Variants in HIVEP3 observed in about 807,000 individuals in gnomAD.
HIVEP3 encodes the protein HIVEP zinc finger 3, also known as transcription factor HIVEP3.
Under a neutral mutation model 152.8 loss-of-function variants are expected in HIVEP3, and 49 were observed. The ratio of observed to expected loss-of-function variants is 0.32; its 90% CI spans 0.26 to 0.41. The LOEUF (loss-of-function observed/expected upper bound fraction) is 0.41. HIVEP3 is among the 10% of genes least tolerant of loss of function. The pLI is 1.00. For synonymous variants in HIVEP3, 1,269 were observed against 1,289.0 expected (o/e 0.98, Z 0.33); for missense variants, 2,790 against 3,103.3 (o/e 0.90, Z 2.40).
rs1305201235 is a variant in HIVEP3 at position 41,806,794 on chromosome 1, C to T, written c.-800-105799G>A. ...TCCAGAGGGAAGGGGCATCTCAGGA[C>T]GACTCCACAGGGTAGGGGGCTCCTA... On this transcript the variant is annotated intron_variant, in intron 1 of 8. Coordinates refer to ENST00000372583, the MANE Select transcript of HIVEP3 (RefSeq NM_024503.5). 3.3e-5 allele frequency among the ~76,000 whole-genome samples: 5 copies of T among 152,146 alleles called. No individual in the cohort carries two copies. The East Asian group carries it at 5.8e-4, about 18-fold the overall frequency.
chr1:41,931,873 C>T (rs1644997535), intron 1 of HIVEP3, among the ~76,000 whole-genome samples: 1 of 151,918 alleles, frequency 6.6e-6, no homozygotes, highest in Admixed American at 6.6e-5. Context: ...GGTTTTTCTA[C>T]AAAGACAATA....
At chr1:41,791,820 C>G (rs1649715105) in intron 1 of HIVEP3, among the ~76,000 whole-genome samples, 1 of 152,046 alleles carries the variant, frequency 6.6e-6, no homozygotes, top group Non-Finnish European at 1.5e-5. Flanking sequence ...ACACATTTCC[C>G]CTCCCCACCC....
intron 1 of HIVEP3, among the ~76,000 whole-genome samples, chr1:41,764,200 C>T (rs1647868093): frequency 6.6e-6 from 1 of 152,006 alleles, no homozygotes; most frequent in Non-Finnish European, 1.5e-5. Flanking sequence ...TGAGGGGAGC[C>T]AATGAGGATT....
intron 5 of HIVEP3, among the ~76,000 whole-genome samples, chr1:41,556,017 T>C (rs1643960611): frequency 6.6e-6 from 1 of 152,252 alleles, no homozygotes. Flanking sequence ...GAACGTATTT[T>C]GTTTATCTGT....
chr1:41,781,481 C>T (rs1269494544), intron 1 of HIVEP3, among the ~76,000 whole-genome samples: 1 of 152,182 alleles, frequency 6.6e-6, no homozygotes, highest in Non-Finnish European at 1.5e-5. Flanking sequence ...GAAATGGCTG[C>T]CTCTTTTCTA....
At chr1:41,840,164 G>A (rs1299280086) in intron 1 of HIVEP3, among the ~76,000 whole-genome samples, 1 of 152,138 alleles carries the variant, frequency 6.6e-6, no homozygotes, top group Non-Finnish European at 1.5e-5. Context: ...GAAAAACCCG[G>A]ACTGGGTTGA....
intron 1 of HIVEP3, among the ~76,000 whole-genome samples, chr1:41,852,809 C>T (rs1643641485): frequency 6.6e-6 from 1 of 152,216 alleles, no homozygotes; most frequent in African/African-American, 2.4e-5. Context: ...AATGACAAGT[C>T]TCATGCAAAC....
chr1:41,688,320 A>C (rs1374986607), intron 2 of HIVEP3, among the ~76,000 whole-genome samples: 1 of 152,256 alleles, frequency 6.6e-6, no homozygotes, highest in Non-Finnish European at 1.5e-5. Flanking sequence ...TGTCCTGAAC[A>C]AAACAGGACT....
Position 41,510,469 on chromosome 1 carries a change from C to G in HIVEP3, c.7203G>C (p.Arg2401Ser). The G allele has an allele frequency of 6.6e-7, 1 of 1,523,988 alleles. No individual in the cohort carries two copies. Among genetic ancestry groups the G allele is most frequent in the Non-Finnish European group, 8.8e-7 (1 of 1,132,620 alleles). 94.4% of individuals were successfully genotyped at this position (1,523,988 alleles called of 1,614,324 possible). ...PRAHPHQPED[R>S]VPPNA ...AGAGAGGCTAAGCGTTGGGGGGAACCCTGTCCTCAGGCTGATGTGGATGTG... is the reference window on the plus strand; with the variant it reads ...AGAGAGGCTAAGCGTTGGGGGGAACGCTGTCCTCAGGCTGATGTGGATGTG... Residue 2401 changes from arginine to serine, a missense_variant, in exon 9 of 9, where the codon AGG (arginine) becomes AGC (serine). Physicochemically the swap from Arg to Ser is moderately radical, Grantham distance 110. This residue lies in a region of HIVEP3 where 816 missense variants were observed against 806.5 expected (regional missense o/e 1.01). Transcript: ENST00000372583.
intron 2 of HIVEP3, among the ~76,000 whole-genome samples, chr1:41,686,296 A>G (rs1387719168): frequency 3.3e-5 from 5 of 152,042 alleles, no homozygotes; most frequent in African/African-American, 1.2e-4. Flanking sequence ...CTGGTCTCGA[A>G]TTCCTGGGCT....
intron 2 of HIVEP3, among the ~76,000 whole-genome samples, chr1:41,651,199 TA>T (rs933307374): frequency 6.6e-6 from 1 of 151,986 alleles, no homozygotes; most frequent in Non-Finnish European, 1.5e-5. Context: ...CTCTTGAGTT[TA>T]GGAGTTCGAG....
intron 5 of HIVEP3, among the ~76,000 whole-genome samples, chr1:41,562,549 CCTTCCTT>C (rs1341044585): frequency 0.015 from 2,105 of 140,738 alleles, 60 homozygotes; most frequent in African/African-American, 0.05. Context: ...TTCCTTCCTT[CCTTCCTT>C]CTTTCCTTCT....
chr1:41,806,822 T>A (rs558864438), intron 1 of HIVEP3, among the ~76,000 whole-genome samples: 2 of 152,228 alleles, frequency 1.3e-5, no homozygotes, highest in Admixed American at 1.3e-4. Context: ...GGCTCCTAGC[T>A]CAACATCTTC....
intron 3 of HIVEP3, among the ~76,000 whole-genome samples, chr1:41,588,810 C>T (rs763157205): frequency 1.3e-5 from 2 of 152,092 alleles, no homozygotes; most frequent in Non-Finnish European, 2.9e-5. Flanking sequence ...GGGTGGCTAG[C>T]CCAAGCCACA....
intron 1 of HIVEP3, among the ~76,000 whole-genome samples, chr1:41,926,986 C>T (rs1644971585): frequency 6.6e-6 from 1 of 152,198 alleles, no homozygotes; most frequent in African/African-American, 2.4e-5. Flanking sequence ...AGAGACTCTG[C>T]TCAGCTACCA....
At chr1:41,545,018 TACCACCACC>T (rs1166539165) in intron 5 of HIVEP3, among the ~76,000 whole-genome samples, 1 of 32,654 alleles carries the variant, frequency 3.1e-5, no homozygotes, top group African/African-American at 1.3e-4. Flanking sequence ...CCACCACCAC[TACCACCACC>T]ACCACCACCA....
chr1:41,693,104 G>A (rs556330003), intron 2 of HIVEP3, among the ~76,000 whole-genome samples: 1 of 152,290 alleles, frequency 6.6e-6, no homozygotes, highest in Admixed American at 6.5e-5. Flanking sequence ...TCCAGGGCCA[G>A]GTGGCTTGAA....
chr1:41,657,843 G>T (rs1041553362), intron 2 of HIVEP3, among the ~76,000 whole-genome samples: 2 of 152,210 alleles, frequency 1.3e-5, no homozygotes, highest in African/African-American at 4.8e-5. Context: ...GGGACAAGGG[G>T]GTCGGAGCCA....
intron 2 of HIVEP3, among the ~76,000 whole-genome samples, chr1:41,633,014 T>A (rs1339313909): frequency 2.6e-5 from 4 of 151,750 alleles, no homozygotes; most frequent in Non-Finnish European, 1.5e-5. Context: ...GGAGAAAGGA[T>A]CAGGTGGAAG....
Sources: gnomAD v4.1 joint callset for allele counts (sites outside exome capture counted in the v4.1 genomes callset) on GRCh38, gnomAD v4.1.1 for gene constraint, gnomAD v4.1.1 regional missense constraint, MANE v1.5 for transcripts, NCBI Gene and HGNC (gene_info 2026-07-23, HGNC 2026-07-21) for gene names.